Variants in RCOR1 observed in about 807,000 individuals in gnomAD.
The protein encoded by RCOR1 is REST corepressor.
In RCOR1, 12 loss-of-function variants were observed where a neutral mutation model predicts 64.0. The observed-to-expected ratio is 0.19, with a 90% confidence interval of 0.12 to 0.30. The LOEUF (loss-of-function observed/expected upper bound fraction) is 0.30, where lower values mean the gene tolerates loss of function less well. Among genes scored for constraint, RCOR1 ranks in the 10% least tolerant of loss-of-function variants. The probability of loss-of-function intolerance (pLI) is 1.00; values close to 1 mark genes in which losing one functional copy is unlikely to be tolerated. For synonymous variants in RCOR1, 279 were observed against 227.2 expected, an observed-to-expected ratio of 1.23 and a Z score of -2.05; for missense variants, 502 against 621.2, an observed-to-expected ratio of 0.81 and a Z score of 2.04.
intron 2 of RCOR1, among the ~76,000 whole-genome samples, chr14:102,640,969 A>G (rs1894356415): frequency 6.6e-6 from 1 of 150,816 alleles, no homozygotes; most frequent in South Asian, 2.1e-4. Context: ...AAAACAGAAA[A>G]GAGGCTGGGT....
intron 2 of RCOR1, among the ~76,000 whole-genome samples, chr14:102,647,825 C>T (rs996108638): frequency 3.9e-4 from 59 of 151,688 alleles, no homozygotes; most frequent in African/African-American, 1.3e-3. Flanking sequence ...ACTACAGACG[C>T]GTGCCACCAC....
intron 2 of RCOR1, among the ~76,000 whole-genome samples, chr14:102,605,702 G>A (rs1417204799): frequency 6.6e-6 from 1 of 152,158 alleles, no homozygotes; most frequent in Admixed American, 6.5e-5. Context: ...ATTTTAGAGT[G>A]TATTCCTACT....
At chr14:102,602,108 G>T (rs1008067613) in intron 2 of RCOR1, among the ~76,000 whole-genome samples, 3 of 151,400 alleles carry the variant, frequency 2.0e-5, no homozygotes, top group Non-Finnish European at 4.4e-5. Flanking sequence ...GCAGTGAGCC[G>T]AGGTTGTGCC....
At chr14:102,613,455 C>T (rs1449321811) in intron 2 of RCOR1, among the ~76,000 whole-genome samples, 6 of 139,680 alleles carry the variant, frequency 4.3e-5, no homozygotes, top group African/African-American at 8.0e-5. Flanking sequence ...TTTTTTGAGA[C>T]GGAGTCTCGT....
chr14:102,685,002 C>A (rs1241664380), intron 3 of RCOR1, among the ~76,000 whole-genome samples: 1 of 151,626 alleles, frequency 6.6e-6, no homozygotes, highest in South Asian at 2.1e-4. Flanking sequence ...TGATTTAGGA[C>A]ATATTTCTAG....
At chr14:102,619,780 C>T (rs555028276) in intron 2 of RCOR1, among the ~76,000 whole-genome samples, 1 of 152,276 alleles carries the variant, frequency 6.6e-6, no homozygotes, top group Admixed American at 6.5e-5. Context: ...TGTGCCTGGC[C>T]TGTTAAGTAT....
intron 2 of RCOR1, chr14:102,657,701 G>A (rs1894754303): frequency 2.7e-6 from 1 of 375,492 alleles, no homozygotes. Context: ...AGCCGGACTT[G>A]GTGGTGCGTG....
Position 102,624,470 on chromosome 14 carries a change from C to T in RCOR1, c.361+31145C>T, listed in dbSNP as rs959824820. ...CAGTGAGCCAAGATCATGCCAACTGCACTCCAGCCTGGGCATCAGTCTAAA... is the reference window on the plus strand; with the variant it reads ...CAGTGAGCCAAGATCATGCCAACTGTACTCCAGCCTGGGCATCAGTCTAAA... On this transcript the variant is annotated intron_variant, in intron 2 of 11. Transcript: ENST00000262241. 3.9e-5 allele frequency among the ~76,000 whole-genome samples: 6 copies of T among 152,280 alleles called. No individual in the cohort carries two copies. The Middle Eastern group carries it at 0.014, about 345-fold the overall frequency.
Position 102,726,466 on chromosome 14 carries a change from A to G in RCOR1, c.1420-2A>G. 6.4e-7 allele frequency: 1 copy of G among 1,569,238 alleles called. No homozygotes were observed. The highest frequency in any genetic ancestry group is 8.5e-7 in the Non-Finnish European group (1 of 1,169,814). ...TTTTTTTTTTTTTCCTCTTGGCCTC[A>G]GGCTCCTGTTCTGGATGTCAGATAT... On this transcript the variant is annotated splice_acceptor_variant, in intron 11 of 11. Coordinates refer to ENST00000262241, the MANE Select transcript of RCOR1 (RefSeq NM_015156.4). LOFTEE classifies it high-confidence loss of function.
chr14:102,715,046 C>A (rs549686660), intron 8 of RCOR1, among the ~76,000 whole-genome samples: 2 of 151,888 alleles, frequency 1.3e-5, no homozygotes, highest in Non-Finnish European at 2.9e-5. Context: ...TTACCTGACT[C>A]CTCCTTGTAG....
intron 2 of RCOR1, among the ~76,000 whole-genome samples, chr14:102,661,604 C>T (rs990304601): frequency 1.3e-5 from 2 of 152,096 alleles, no homozygotes; most frequent in African/African-American, 4.8e-5. Flanking sequence ...AAAGTATTTC[C>T]TACAGTATTA....
intron 2 of RCOR1, among the ~76,000 whole-genome samples, chr14:102,672,145 A>G (rs1409804821): frequency 6.6e-6 from 1 of 152,130 alleles, no homozygotes. Context: ...TATACAAATT[A>G]TTATGTGGAT....
chr14:102,593,202 CCCCCGCGGCCCCGGG>C lies in RCOR1; in HGVS notation c.301+23_301+37del. 1 of 1,477,758 alleles carries C rather than the reference CCCCCGCGGCCCCGGG, an allele frequency of 6.8e-7. No individual in the cohort carries two copies. Among genetic ancestry groups the C allele is most frequent in the East Asian group, 2.9e-5 (1 of 34,844 alleles). 91.5% of individuals were successfully genotyped at this position (1,477,758 alleles called of 1,614,324 possible). ...CGAGGAGCACGGTAGGTGGCAGCCG[CCCCCGCGGCCCCGGG>C]CCCCGCGCCCCGCGCCGCGCTGACC... On this transcript the variant is annotated intron_variant, in intron 1 of 11. Transcript: ENST00000262241.
chr14:102,662,907 G>C (rs938489255), intron 2 of RCOR1, among the ~76,000 whole-genome samples: 2 of 152,148 alleles, frequency 1.3e-5, no homozygotes, highest in Admixed American at 6.6e-5. Context: ...AGAGGCTCGG[G>C]TAAACATTGC....
chr14:102,642,699 G>A (rs896977085), intron 2 of RCOR1, among the ~76,000 whole-genome samples: 1 of 152,124 alleles, frequency 6.6e-6, no homozygotes, highest in Non-Finnish European at 1.5e-5. Flanking sequence ...AGCCGGGTAT[G>A]GTGGCACATG....
intron 2 of RCOR1, among the ~76,000 whole-genome samples, chr14:102,667,571 G>A (rs1318731681): frequency 6.6e-6 from 1 of 152,052 alleles, no homozygotes; most frequent in East Asian, 1.9e-4. Flanking sequence ...TCTAGCTAGT[G>A]GAGAAACTGA....
intron 11 of RCOR1, among the ~76,000 whole-genome samples, chr14:102,726,082 A>G (rs758793300): frequency 3.3e-5 from 5 of 151,698 alleles, no homozygotes; most frequent in African/African-American, 4.8e-5. Flanking sequence ...TAATCCCAGC[A>G]CTTTGGGAGG....
At chr14:102,714,016 G>T (rs933257708) in intron 7 of RCOR1, among the ~76,000 whole-genome samples, 1 of 152,144 alleles carries the variant, frequency 6.6e-6, no homozygotes, top group Non-Finnish European at 1.5e-5. Flanking sequence ...ATAAGTTGCC[G>T]TAAAAATTGT....
At chr14:102,702,576 G>T (rs575512221) in intron 4 of RCOR1, among the ~76,000 whole-genome samples, 1 of 152,152 alleles carries the variant, frequency 6.6e-6, no homozygotes, top group African/African-American at 2.4e-5. Flanking sequence ...AGGCAGTAAA[G>T]TGTGATACTT....
Sources: allele counts gnomAD v4.1 joint callset (sites outside exome capture counted in the v4.1 genomes callset), GRCh38; gene constraint gnomAD v4.1.1; transcripts MANE v1.5; gene names NCBI Gene and HGNC (gene_info 2026-07-23, HGNC 2026-07-21).